Variants in PACRG observed in about 807,000 individuals in gnomAD.
PACRG encodes parkin coregulated gene protein.
In PACRG, 29 loss-of-function variants were observed where a neutral mutation model predicts 29.7. That is an observed-to-expected ratio of 0.98 (90% CI 0.73 to 1.33). The LOEUF (loss-of-function observed/expected upper bound fraction) is 1.33. Ranked by LOEUF, PACRG falls within the 40% of genes most tolerant of loss-of-function variation. The pLI, the probability that PACRG is intolerant of heterozygous loss-of-function variation, is 0.00. For missense variants in PACRG, 279 were observed against 316.2 expected (o/e 0.88, Z 0.89); for synonymous variants, 116 against 118.7 (o/e 0.98, Z 0.15).
intron 2 of PACRG, among the ~76,000 whole-genome samples, chr6:162,855,741 C>T (rs530682670): frequency 6.6e-6 from 1 of 152,310 alleles, no homozygotes; most frequent in Admixed American, 6.5e-5. Flanking sequence ...GCCCCAACTC[C>T]CTGCTTCTGG....
intron 2 of PACRG, among the ~76,000 whole-genome samples, chr6:163,042,106 C>G (rs1969860): frequency 0.38 from 57,857 of 151,986 alleles, 12,214 homozygotes; most frequent in East Asian, 0.68. Flanking sequence ...CTCAGGTGAT[C>G]TGCCCACCTC....
chr6:162,877,657 CAGG>C (rs1793485606), intron 2 of PACRG, among the ~76,000 whole-genome samples: 1 of 151,524 alleles, frequency 6.6e-6, no homozygotes, highest in East Asian at 1.9e-4. Context: ...AAAAAAAATT[CAGG>C]AGGCTTCAGT....
intron 2 of PACRG, among the ~76,000 whole-genome samples, chr6:163,041,491 C>T (rs190392921): frequency 1.2e-4 from 18 of 152,238 alleles, no homozygotes; most frequent in African/African-American, 2.4e-4. Flanking sequence ...GTTTCCTCTG[C>T]GCTGTCTCTC....
chr6:163,088,298 C>T (rs532704079), intron 3 of PACRG, among the ~76,000 whole-genome samples: 1 of 152,248 alleles, frequency 6.6e-6, no homozygotes, highest in Non-Finnish European at 1.5e-5. Flanking sequence ...CAAATAAGAG[C>T]CTTTGACTTC....
At chr6:163,283,147 G>C (rs115189974) in intron 4 of PACRG, among the ~76,000 whole-genome samples, 2 of 152,120 alleles carry the variant, frequency 1.3e-5, no homozygotes, top group Non-Finnish European at 2.9e-5. Context: ...AATTTAAAGG[G>C]TATCTGTAAT....
At chr6:163,179,184 G>T (rs1049588438) in intron 4 of PACRG, 4 of 455,794 alleles carry the variant, frequency 8.8e-6, no homozygotes, top group African/African-American at 8.0e-5. Flanking sequence ...ACTGATGTCC[G>T]CTGCTCCTCA....
intron 2 of PACRG, among the ~76,000 whole-genome samples, chr6:162,816,649 G>T (rs962563595): frequency 6.6e-6 from 1 of 152,162 alleles, no homozygotes. Flanking sequence ...ACCGCGCCCA[G>T]CCAAGACATT....
intron 4 of PACRG, among the ~76,000 whole-genome samples, chr6:163,107,587 C>A (rs1815454280): frequency 6.6e-6 from 1 of 152,164 alleles, no homozygotes; most frequent in South Asian, 2.1e-4. Flanking sequence ...AATCTGCTTT[C>A]CTGTAACGTT....
intron 4 of PACRG, among the ~76,000 whole-genome samples, chr6:163,100,339 C>G (rs941115296): frequency 6.6e-6 from 1 of 152,164 alleles, no homozygotes; most frequent in African/African-American, 2.4e-5. Flanking sequence ...ACTGATCGCC[C>G]GGCGTGCTGC....
chr6:162,984,496 C>CT (rs895251455), intron 2 of PACRG, among the ~76,000 whole-genome samples: 1 of 151,978 alleles, frequency 6.6e-6, no homozygotes, highest in African/African-American at 2.4e-5. Context: ...GTGCAAGTAT[C>CT]TTTTTTGTAT....
At chr6:163,090,549 G>T (rs1273045730) in intron 4 of PACRG, among the ~76,000 whole-genome samples, 4 of 152,096 alleles carry the variant, frequency 2.6e-5, no homozygotes, top group African/African-American at 4.8e-5. Context: ...TTTAATAATT[G>T]AGTCTCTTAT....
intron 4 of PACRG, among the ~76,000 whole-genome samples, chr6:163,231,041 A>G (rs7764056): frequency 0.36 from 54,858 of 152,048 alleles, 10,153 homozygotes; most frequent in South Asian, 0.45. Flanking sequence ...TGCAAAGGCA[A>G]CGGCTCCTCT....
At chr6:163,313,360 A>G (rs1204640824) in intron 4 of PACRG, among the ~76,000 whole-genome samples, 3 of 151,986 alleles carry the variant, frequency 2.0e-5, no homozygotes, top group Non-Finnish European at 4.4e-5. Flanking sequence ...ACCCTCACCA[A>G]AAGAAAAGAA....
At position 163,131,769 on chromosome 6, in the gene PACRG, A is replaced by G. The variant is rs377344112; in HGVS notation, c.613+42361A>G. Among the ~76,000 whole-genome samples the G allele has an allele frequency of 3.7e-4, 57 of 152,224 alleles. 3 individuals carry two copies. The South Asian group carries it at 0.01, about 27-fold the overall frequency. On this transcript the variant is annotated intron_variant, in intron 4 of 4. Transcript: ENST00000366888. ...GGCTAAGACGTGAGCGTGCTATTAG[A>G]TGTGTAAAATTCTACACAAGGGTCG...
Position 162,809,615 on chromosome 6 carries a change from T to C in PACRG, c.157-4532T>C, listed in dbSNP as rs180737232. Among the ~76,000 whole-genome samples, 124 of 152,224 alleles carry C rather than the reference T, an allele frequency of 8.1e-4. No homozygotes were observed. The East Asian group carries it at 0.011, about 14-fold the overall frequency. ...AATTTTGAGCTGAGAATCAGAAAGA[T>C]TGGAGTATATTCAGTATAAGAGACA... On this transcript the variant is annotated intron_variant, in intron 1 of 4. Coordinates refer to ENST00000366888, the MANE Select transcript of PACRG (RefSeq NM_001080379.2).
intron 2 of PACRG, among the ~76,000 whole-genome samples, chr6:162,931,574 A>G (rs1797856048): frequency 1.3e-5 from 2 of 152,006 alleles, no homozygotes. Flanking sequence ...TGAAAAGATT[A>G]TCCTTCTTCC....
chr6:162,902,091 T>A (rs901249952), intron 2 of PACRG, among the ~76,000 whole-genome samples: 6 of 152,376 alleles, frequency 3.9e-5, no homozygotes, highest in Admixed American at 2.0e-4. Flanking sequence ...ACAAGAAGAT[T>A]CTTACTCTAT....
rs149834981 is a variant in PACRG at position 163,243,528 on chromosome 6, G to A, written c.614-71299G>A. Among the ~76,000 whole-genome samples the A allele has an allele frequency of 4.1e-3, 624 of 152,178 alleles. 5 individuals are homozygous for A. The highest frequency in any genetic ancestry group is 0.014 in the African/African-American group (598 of 41,522). ...CTCTTTTCATTTCCAAGACTGTGTA[G>A]CTGGTTGGCATCTACTTGTACCTAC... On this transcript the variant is annotated intron_variant, in intron 4 of 4. Coordinates refer to ENST00000366888, the MANE Select transcript of PACRG (RefSeq NM_001080379.2).
At chr6:162,954,193 A>G (rs1276113976) in intron 2 of PACRG, among the ~76,000 whole-genome samples, 1 of 152,200 alleles carries the variant, frequency 6.6e-6, no homozygotes, top group Non-Finnish European at 1.5e-5. Flanking sequence ...TTCAGTTTGT[A>G]TGTGTTGCTA....
Sources: gnomAD v4.1 joint callset for allele counts (sites outside exome capture counted in the v4.1 genomes callset) on GRCh38, gnomAD v4.1.1 for gene constraint, MANE v1.5 for transcripts, NCBI Gene and HGNC (gene_info 2026-07-23, HGNC 2026-07-21) for gene names.